Variants in LMX1B observed in about 807,000 individuals in gnomAD.
The protein encoded by LMX1B is LIM homeobox transcription factor 1-beta.
Under a neutral mutation model 51.4 loss-of-function variants are expected in LMX1B, and 12 were observed. The observed-to-expected ratio is 0.23, with a 90% CI of 0.15 to 0.38. The LOEUF (loss-of-function observed/expected upper bound fraction) is 0.38, where lower values mean the gene tolerates loss of function less well. Among genes scored for constraint, LMX1B ranks in the 10% least tolerant of loss-of-function variants. The pLI is 1.00. For synonymous variants in LMX1B, 237 were observed against 235.4 expected, an observed-to-expected ratio of 1.01 and a Z score of -0.06; for missense variants, 445 against 571.1, an observed-to-expected ratio of 0.78 and a Z score of 2.25.
Position 126,695,186 on chromosome 9 carries a change from C to A in LMX1B, c.887-653C>A, listed in dbSNP as rs939773333. On this transcript the variant is annotated intron_variant, in intron 6 of 7. Coordinates refer to ENST00000373474, the MANE Select transcript of LMX1B (RefSeq NM_001174147.2). The surrounding 1 kb of genome is among the most constrained non-coding windows in gnomAD (Gnocchi z 5.2). The stretch of plus-strand genomic sequence containing the variant: ...CACCCACTGGCCCCAGCCTCGGTCT[C>A]CTCCTCCAGCCTTTCTCACCCTCGT... Among the ~76,000 whole-genome samples, 1 of 152,158 alleles carries A rather than the reference C, an allele frequency of 6.6e-6. No homozygotes were observed. Among genetic ancestry groups the A allele is most frequent in the South Asian group, 2.1e-4 (1 of 4,832 alleles).
intron 2 of LMX1B, among the ~76,000 whole-genome samples, chr9:126,666,220 T>C (rs1357978661): frequency 6.6e-6 from 1 of 152,202 alleles, no homozygotes; most frequent in African/African-American, 2.4e-5. Context: ...TGGAAGATGC[T>C]GGGAGCAGGC....
In LMX1B at chr9:126,671,621, T is replaced by C. The variant is rs1027661335; in HGVS notation, c.327-19215T>C. Among the ~76,000 whole-genome samples, 1 of 152,204 alleles carries C rather than the reference T, an allele frequency of 6.6e-6. No individual in the cohort carries two copies. The highest frequency in any genetic ancestry group is 2.4e-5 in the African/African-American group (1 of 41,454). Reference sequence around the variant, plus strand: ...CTGCTCCAGGCCGGCTCTGGCTCTCTAATCCTGTATCTTTTGAAAGATAGG... The same window carrying C: ...CTGCTCCAGGCCGGCTCTGGCTCTCCAATCCTGTATCTTTTGAAAGATAGG... On this transcript the variant is annotated intron_variant, in intron 2 of 7. Transcript: ENST00000373474. The surrounding 1 kb of genome is among the most constrained non-coding windows in gnomAD (Gnocchi z 4.4).
Position 126,700,714 on chromosome 9 carries a change from A to C in LMX1B, c.*4263A>C, listed in dbSNP as rs1334455297. ...TTGGCCCTTGGAAGGCACCATTGCC[A>C]ATGAGCCTCTTTGCTGGTTCCCCCG... On this transcript the variant is annotated 3_prime_UTR_variant, in exon 8 of 8. Transcript: ENST00000373474. 6.6e-6 allele frequency: 1 copy of C among 152,250 alleles called. No homozygotes were observed. The highest frequency in any genetic ancestry group is 1.9e-4 in the East Asian group (1 of 5,194). The allele number at this position is 152,250 out of a possible 1,614,324, so 9.4% of individuals were successfully genotyped here. A position where few individuals can be genotyped will look rare whatever the true frequency, so the allele number is the denominator to read the frequency against.
intron 2 of LMX1B, among the ~76,000 whole-genome samples, chr9:126,668,871 A>G (rs1373835200): frequency 1.3e-5 from 2 of 152,226 alleles, no homozygotes; most frequent in African/African-American, 4.8e-5. Context: ...GGGATGATAG[A>G]CAGGCAGGGA....
chr9:126,643,377 T>C (rs750652888), intron 2 of LMX1B, among the ~76,000 whole-genome samples: 2 of 152,064 alleles, frequency 1.3e-5, no homozygotes, highest in African/African-American at 4.8e-5. Context: ...CATGGTGCAG[T>C]GGGTCATGCA....
Position 126,614,163 on chromosome 9 carries a change from C to T in LMX1B, c.-287C>T, listed in dbSNP as rs1835250456. Among the ~76,000 whole-genome samples the T allele has an allele frequency of 1.4e-5, 2 of 145,450 alleles. No homozygotes were observed. The highest frequency in any genetic ancestry group is 4.2e-4 in the South Asian group (2 of 4,776). ...CCCGCGGCTCCGTCTGCAGCAGCCG[C>T]CGCCGCCGGGTTCCGGGACTGACAA... On this transcript the variant is annotated 5_prime_UTR_variant, in exon 1 of 8. Transcript: ENST00000373474.
At chr9:126,643,302 G>A (rs991138000) in intron 2 of LMX1B, among the ~76,000 whole-genome samples, 16 of 152,120 alleles carry the variant, frequency 1.1e-4, no homozygotes, top group Admixed American at 4.6e-4. Flanking sequence ...CCCTGGGAGC[G>A]CCAACTCTCT....
intron 2 of LMX1B, among the ~76,000 whole-genome samples, chr9:126,624,488 G>T (rs1323443595): frequency 2.0e-5 from 3 of 152,276 alleles, no homozygotes; most frequent in East Asian, 1.9e-4. Flanking sequence ...ATTAGGGGTT[G>T]CGGGGGAGAA....
intron 2 of LMX1B, among the ~76,000 whole-genome samples, chr9:126,620,226 C>T (rs1173322228): frequency 6.6e-6 from 1 of 152,118 alleles, no homozygotes; most frequent in Admixed American, 6.5e-5. Flanking sequence ...ATTGCCTTTC[C>T]CTTCGTAGGA....
At chr9:126,684,904 G>C (rs141227731) in intron 2 of LMX1B, among the ~76,000 whole-genome samples, 1 of 152,206 alleles carries the variant, frequency 6.6e-6, no homozygotes, top group Non-Finnish European at 1.5e-5. Flanking sequence ...AGGAGGGCAA[G>C]TTCACTTACC....
intron 2 of LMX1B, among the ~76,000 whole-genome samples, chr9:126,638,108 A>G (rs1835746531): frequency 6.6e-6 from 1 of 151,786 alleles, no homozygotes; most frequent in African/African-American, 2.4e-5. Flanking sequence ...GCATGGGGAG[A>G]GGGGGCAGCA....
intron 2 of LMX1B, among the ~76,000 whole-genome samples, chr9:126,681,573 G>GC (rs35980483): frequency 0.24 from 37,055 of 151,700 alleles, 5,149 homozygotes; most frequent in Middle Eastern, 0.36. Flanking sequence ...CTAACCCGGT[G>GC]CCCCCCCTAC....
At chr9:126,632,188 G>A (rs1489192246) in intron 2 of LMX1B, among the ~76,000 whole-genome samples, 6 of 152,192 alleles carry the variant, frequency 3.9e-5, no homozygotes, top group Non-Finnish European at 8.8e-5. Context: ...TGTTCAAAGA[G>A]CCATACCAGT....
intron 2 of LMX1B, among the ~76,000 whole-genome samples, chr9:126,630,084 C>G (rs1835605706): frequency 6.7e-6 from 1 of 149,568 alleles, no homozygotes; most frequent in East Asian, 2.0e-4. Flanking sequence ...ATGGCGTGAA[C>G]CCGGGAGACG....
chr9:126,695,401 CTCAG>C lies in LMX1B; in HGVS notation c.887-437_887-434del, dbSNP rs2030290079. 1.3e-5 allele frequency among the ~76,000 whole-genome samples: 2 copies of C among 152,212 alleles called. No homozygotes were observed. The highest frequency in any genetic ancestry group is 2.9e-5 in the Non-Finnish European group (2 of 68,042). ...TGTCTCCTCCATGCCTTTGCCGCCC[CTCAG>C]CCTGGCTTGCCTCCCCTGCTCTGGC... On this transcript the variant is annotated intron_variant, in intron 6 of 7. Transcript: ENST00000373474. This position sits in a 1 kb window ranked among gnomAD's most constrained non-coding sequence, Gnocchi z 5.2.
chr9:126,654,992 G>T (rs946537701), intron 2 of LMX1B, among the ~76,000 whole-genome samples: 5 of 152,202 alleles, frequency 3.3e-5, no homozygotes, highest in African/African-American at 1.2e-4. Context: ...GTGACACCCA[G>T]TCCTGGGTCT....
intron 2 of LMX1B, among the ~76,000 whole-genome samples, chr9:126,657,973 G>A (rs1836152004): frequency 6.6e-6 from 1 of 152,168 alleles, no homozygotes. Flanking sequence ...GGGTGGGCTA[G>A]CCGTCCAGTG....
At chr9:126,687,862 TG>T (rs2118980730) in intron 2 of LMX1B, among the ~76,000 whole-genome samples, 1 of 152,056 alleles carries the variant, frequency 6.6e-6, no homozygotes, top group South Asian at 2.1e-4. Flanking sequence ...TCCTCCGTGG[TG>T]GGAGGCACGA....
At chr9:126,662,862 T>A (rs921629358) in intron 2 of LMX1B, among the ~76,000 whole-genome samples, 1 of 152,194 alleles carries the variant, frequency 6.6e-6, no homozygotes, top group African/African-American at 2.4e-5. Context: ...ATAGGGAGCC[T>A]GGTGCCCTCA....
Sources: gnomAD v4.1 joint callset for allele counts (sites outside exome capture counted in the v4.1 genomes callset) on GRCh38, gnomAD v4.1.1 for gene constraint, Gnocchi (gnomAD v3.1) non-coding constraint, MANE v1.5 for transcripts, NCBI Gene and HGNC (gene_info 2026-07-23, HGNC 2026-07-21) for gene names.